The following POGK variants were observed in gnomAD, a reference collection of about 807,000 sequenced individuals.
POGK encodes the protein pogo transposable element derived with KRAB domain, also known as pogo transposable element with KRAB domain.
Under a neutral mutation model 54.4 loss-of-function variants are expected in POGK, and 16 were observed. The observed-to-expected ratio is 0.29, with a 90% CI of 0.20 to 0.45. The LOEUF is 0.45. Ranked by LOEUF, POGK falls within the 20% of genes least tolerant of loss-of-function variation. The pLI is 1.00. For missense variants in POGK, 515 were observed against 795.6 expected (o/e 0.65, Z 4.24); for synonymous variants, 271 against 302.2 (o/e 0.90, Z 1.07).
chr1:166,847,089 G>A (rs1382992223), intron 3 of POGK, among the ~76,000 whole-genome samples: 1 of 152,102 alleles, frequency 6.6e-6, no homozygotes. Context: ...CAGAAGTTTG[G>A]GGACATACCC....
chr1:166,840,846 A>C, intron 1 of POGK, 109 bp from the exon 2 acceptor site: 1 of 1,358,516 alleles, frequency 7.4e-7, no homozygotes, highest in Non-Finnish European at 1.0e-6. Flanking sequence ...TCCAGCGGGA[A>C]CAGTGCTTGG....
intron 2 of POGK, among the ~76,000 whole-genome samples, chr1:166,842,101 C>T (rs1302125310): frequency 6.6e-6 from 1 of 152,150 alleles, no homozygotes; most frequent in Non-Finnish European, 1.5e-5. Context: ...TTGCCCACCA[C>T]ATCCTTCTTC....
At chr1:166,841,987 A>T (rs1259285339) in intron 2 of POGK, among the ~76,000 whole-genome samples, 1 of 151,784 alleles carries the variant, frequency 6.6e-6, no homozygotes. Context: ...TACCATATGT[A>T]TGCTATACCT....
At chr1:166,847,444 C>A (rs752859937) in intron 3 of POGK, 50 bp from the exon 4 acceptor site, 16 of 1,448,614 alleles carry the variant, frequency 1.1e-5, no homozygotes, top group Non-Finnish European at 9.6e-6. Context: ...TTTGGTAGTG[C>A]TCCAGGACAG....
At position 166,849,246 on chromosome 1, in the gene POGK, C is replaced by G. The variant is rs565818418; in HGVS notation, c.667C>G (p.Gln223Glu). 8 of 1,614,106 alleles carry G rather than the reference C, an allele frequency of 5.0e-6. No homozygotes were observed. The highest frequency in any genetic ancestry group is 6.8e-6 in the Non-Finnish European group (8 of 1,180,056). Residue 223 changes from glutamine (Q) to glutamate (E), a missense_variant, in exon 5 of 6, where the codon CAG (glutamine) becomes GAG (glutamate). Physicochemically the swap from Gln to Glu is conservative, Grantham distance 29. Coordinates refer to ENST00000367876, the MANE Select transcript of POGK (RefSeq NM_017542.5). The stretch of plus-strand genomic sequence containing the variant: ...TACCAACAACTGCCAGGCTGCCAAG[C>G]AGTTTGGAGTATTGGAAAAAAACGT... The part of the protein sequence containing the change: ...ESTNNCQAAK[Q>E]FGVLEKNVRD...
At position 166,855,392 on chromosome 1, in the gene POGK, C is replaced by T. The variant is rs894593184; in HGVS notation, c.*2822C>T. The T allele has an allele frequency of 2.0e-5, 3 of 152,162 alleles. No homozygotes were observed. Among genetic ancestry groups the T allele is most frequent in the Non-Finnish European group, 4.4e-5 (3 of 68,032 alleles). The allele number at this position is 152,162 out of a possible 1,614,324, so 9.4% of individuals were successfully genotyped here. On this transcript the variant is annotated 3_prime_UTR_variant, in exon 6 of 6. Transcript: ENST00000367876. Reference sequence around the variant, plus strand: ...TTGTTTCTTAACCTAATTAGAGAAGCGATTGCACTCGAGTCCCCACAGCTG... The same window carrying T: ...TTGTTTCTTAACCTAATTAGAGAAGTGATTGCACTCGAGTCCCCACAGCTG...
In POGK at chr1:166,856,056, T is replaced by C. The variant is rs1658262251; in HGVS notation, c.*3486T>C. ...AAATTACATACCTGGCCAGGTGCAG[T>C]AGTTCAGGCCTGTAATCCTAACAAA... On this transcript the variant is annotated 3_prime_UTR_variant, in exon 6 of 6. Coordinates refer to ENST00000367876, the MANE Select transcript of POGK (RefSeq NM_017542.5). The C allele has an allele frequency of 6.6e-6, 1 of 152,014 alleles. No individual in the cohort carries two copies. Among genetic ancestry groups the C allele is most frequent in the African/African-American group, 2.4e-5 (1 of 41,376 alleles). 9.4% of individuals were successfully genotyped at this position (152,014 alleles called of 1,614,324 possible). A position where few individuals can be genotyped will look rare whatever the true frequency, so the allele number is the denominator to read the frequency against.
intron 2 of POGK, among the ~76,000 whole-genome samples, chr1:166,842,754 T>C (rs933314026): frequency 1.3e-5 from 2 of 152,038 alleles, no homozygotes; most frequent in Non-Finnish European, 2.9e-5. Flanking sequence ...TGGGGGTGCG[T>C]TGGGGACTGG....
chr1:166,839,888 C>A, intron 1 of POGK: 1 of 151,886 alleles, frequency 6.6e-6, no homozygotes. Flanking sequence ...CTGGAGAAAT[C>A]CGAACGCGCC....
chr1:166,849,298 A>G lies in POGK; in HGVS notation c.719A>G (p.Gln240Arg). ...NVRDWRKVKP[Q>R]LQNAHAMRRA... Reference sequence around the variant, plus strand: ...CGAGACTGGCGCAAAGTGAAGCCACAGCTTCAAAACGCCCACGCCATGCGG... The same window carrying G: ...CGAGACTGGCGCAAAGTGAAGCCACGGCTTCAAAACGCCCACGCCATGCGG... Residue 240 changes from glutamine to arginine, a missense_variant, in exon 5 of 6, where the codon CAG (glutamine) becomes CGG (arginine). Coordinates refer to ENST00000367876, the MANE Select transcript of POGK (RefSeq NM_017542.5). The G allele has an allele frequency of 1.2e-6, 2 of 1,614,020 alleles. No homozygotes were observed. The highest frequency in any genetic ancestry group is 2.2e-5 in the South Asian group (2 of 91,088).
chr1:166,842,250 A>T (rs560755442), intron 2 of POGK, among the ~76,000 whole-genome samples: 1 of 152,336 alleles, frequency 6.6e-6, no homozygotes, highest in East Asian at 1.9e-4. Flanking sequence ...GTGCAATGAA[A>T]GTGAATGTTG....
intron 1 of POGK, 97 bp downstream of exon 1, chr1:166,839,701 GCC>G: frequency 7.0e-6 from 1 of 142,690 alleles, no homozygotes; most frequent in Middle Eastern, 3.5e-3. Flanking sequence ...AGGCTGCGCC[GCC>G]GCCGCCGCCG....
At chr1:166,845,312 C>T (rs1023949832) in intron 2 of POGK, among the ~76,000 whole-genome samples, 2 of 146,910 alleles carry the variant, frequency 1.4e-5, no homozygotes, top group Non-Finnish European at 3.0e-5. Flanking sequence ...GAGCCAAGAT[C>T]GTGCCACTGC....
chr1:166,840,764 CACA>C, intron 1 of POGK, among the ~76,000 whole-genome samples, 188 bp from the exon 2 acceptor site: 1 of 152,312 alleles, frequency 6.6e-6, no homozygotes, highest in African/African-American at 2.4e-5. Context: ...GTTATCTACC[CACA>C]GCCTCTCTTA....
intron 1 of POGK, 134 bp downstream of exon 1, chr1:166,839,738 G>A (rs1356480962): frequency 1.4e-5 from 2 of 146,808 alleles, no homozygotes; most frequent in African/African-American, 4.9e-5. Flanking sequence ...CCGCCGGGGA[G>A]GCGGGCGGCG....
chr1:166,849,263 A>G lies in POGK; in HGVS notation c.684A>G (p.Glu228=), dbSNP rs1300591706. Reference sequence around the variant, plus strand: ...CTGCCAAGCAGTTTGGAGTATTGGAAAAAAACGTTCGAGACTGGCGCAAAG... The same window carrying G: ...CTGCCAAGCAGTTTGGAGTATTGGAGAAAAACGTTCGAGACTGGCGCAAAG... ...CQAAKQFGVL[E]KNVRDWRKVK... Residue 228 remains glutamate, a synonymous_variant, in exon 5 of 6, where the codon GAA becomes GAG. Coordinates refer to ENST00000367876, the MANE Select transcript of POGK (RefSeq NM_017542.5). 6.2e-7 allele frequency: 1 copy of G among 1,614,264 alleles called. No homozygotes were observed. The highest frequency in any genetic ancestry group is 8.5e-7 in the Non-Finnish European group (1 of 1,180,048).
chr1:166,842,094 C>T (rs982476343), intron 2 of POGK, among the ~76,000 whole-genome samples: 56 of 152,208 alleles, frequency 3.7e-4, no homozygotes, highest in African/African-American at 1.3e-3. Context: ...GTGTTCTTTG[C>T]CCACCACATC....
intron 5 of POGK, chr1:166,851,420 C>G (rs1658060658): frequency 6.6e-6 from 1 of 152,112 alleles, no homozygotes; most frequent in Non-Finnish European, 1.5e-5. Flanking sequence ...CAGCAGATGT[C>G]TGAAGGAAGA....
rs2101759253 is a variant in POGK at position 166,847,483 on chromosome 1, C to T, written c.260-11C>T. On this transcript the variant is annotated splice_polypyrimidine_tract_variant and intron_variant, in intron 3 of 5. Transcript: ENST00000367876. ...CACACAGCTGTTACCTATTTTATTT[C>T]CTATAAACAGAATTCCCATTCCCTA... 6.2e-7 allele frequency: 1 copy of T among 1,606,166 alleles called. No individual in the cohort carries two copies. Among genetic ancestry groups the T allele is most frequent in the East Asian group, 2.2e-5 (1 of 44,838 alleles).
Sources: gnomAD v4.1 joint callset for allele counts (sites outside exome capture counted in the v4.1 genomes callset) on GRCh38, gnomAD v4.1.1 for gene constraint, MANE v1.5 for transcripts, NCBI Gene and HGNC (gene_info 2026-07-23, HGNC 2026-07-21) for gene names.